ZNF581: variants seen among roughly 807,000 people sequenced by gnomAD.
ZNF581 encodes zinc finger protein 581.
Under a neutral mutation model 1.2 loss-of-function variants are expected in ZNF581, and 1 was observed. That is an observed-to-expected ratio of 0.83 (90% CI 0.30 to 3.95). ZNF581 has a LOEUF of 3.95. Among genes scored for constraint, ZNF581 ranks in the 30% most tolerant of loss-of-function variants. The probability of loss-of-function intolerance (pLI) is 0.18; values close to 1 mark genes in which losing one functional copy is unlikely to be tolerated. For missense variants in ZNF581, 273 were observed against 274.6 expected, an observed-to-expected ratio of 0.99 and a Z score of 0.04; for synonymous variants, 105 against 109.2, an observed-to-expected ratio of 0.96 and a Z score of 0.24.
upstream of ZNF581, chr19:55,642,383 G>A (rs1982560444): frequency 1.8e-5 from 24 of 1,302,872 alleles, 1 homozygote; most frequent in South Asian, 5.3e-4. Context: ...TAGGGAGGTA[G>A]TCAGTGGCGC....
upstream of ZNF581, chr19:55,642,301 G>T (rs1982552977): frequency 3.2e-6 from 4 of 1,257,222 alleles, no homozygotes; most frequent in Admixed American, 1.3e-4. Context: ...GCAGAGCTCA[G>T]TTGGAGGCCC....
upstream of ZNF581, chr19:55,641,015 G>A (rs1003837469): frequency 1.0e-6 from 1 of 985,212 alleles, no homozygotes; most frequent in African/African-American, 1.7e-5. Context: ...TTTTCCCAGG[G>A]ACTCCGCCAA....
chr19:55,635,724 G>C, intron 1 of ZNF581: 1 of 988,236 alleles, frequency 1.0e-6, no homozygotes, highest in Non-Finnish European at 1.2e-6. Context: ...TTGGGTGAGG[G>C]CAAGGGTGGG....
upstream of ZNF581, chr19:55,640,114 C>G: frequency 2.0e-6 from 2 of 985,290 alleles, no homozygotes; most frequent in Non-Finnish European, 2.4e-6. Context: ...CTCTTCTGTC[C>G]CCCACTCTCA....
At chr19:55,637,537 A>C (rs771254599), upstream of ZNF581, among the ~76,000 whole-genome samples, 47 of 152,098 alleles carry the variant, frequency 3.1e-4, no homozygotes, top group Non-Finnish European at 3.8e-4. Flanking sequence ...ACTCTGTCTG[A>C]AAAAAGACAC....
At chr19:55,642,627 C>G, upstream of ZNF581, 1 of 1,450,034 alleles carries the variant, frequency 6.9e-7, no homozygotes, top group South Asian at 1.5e-5. Flanking sequence ...TCCACTCCTT[C>G]CTCGGCGGCG....
At chr19:55,637,747 C>T (rs908906466), upstream of ZNF581, among the ~76,000 whole-genome samples, 3 of 152,144 alleles carry the variant, frequency 2.0e-5, no homozygotes, top group Non-Finnish European at 2.9e-5. Flanking sequence ...CTGGCCATCC[C>T]GCCTGCGGAT....
chr19:55,644,652 T>C lies in ZNF581; in HGVS notation c.81T>C (p.Thr27=), dbSNP rs148047828. Residue 27 remains threonine (T), a synonymous_variant, in exon 2 of 2, where the codon ACT becomes ACC. Transcript: ENST00000270451. This position sits in a 1 kb window ranked among gnomAD's most constrained non-coding sequence, Gnocchi z 4.3. The stretch of plus-strand genomic sequence containing the variant: ...CCATGGAGGGCCCTCCCCGTCGGAC[T>C]TGCCGCTCCCCAGAACCTGGACCTT... ...VETMEGPPRR[T]CRSPEPGPSS... The C allele has an allele frequency of 1.2e-6, 2 of 1,611,604 alleles. No individual in the cohort carries two copies. Among genetic ancestry groups the C allele is most frequent in the African/African-American group, 2.7e-5 (2 of 74,844 alleles).
At chr19:55,639,404 T>C (rs1982305785), upstream of ZNF581, among the ~76,000 whole-genome samples, 1 of 152,146 alleles carries the variant, frequency 6.6e-6, no homozygotes, top group Admixed American at 6.5e-5. Context: ...GCCAGAAGCA[T>C]GCCACTGCAC....
chr19:55,645,162 A>G lies in ZNF581; in HGVS notation c.591A>G (p.Pro197=). 5.3e-6 allele frequency: 8 copies of G among 1,513,888 alleles called. No individual in the cohort carries two copies. Among genetic ancestry groups the G allele is most frequent in the Non-Finnish European group, 7.1e-6 (8 of 1,128,950 alleles). The allele number at this position is 1,513,888 out of a possible 1,614,324, so 93.8% of individuals were successfully genotyped here. A position where few individuals can be genotyped will look rare whatever the true frequency, so the allele number is the denominator to read the frequency against. ...AGAAACACACGCGGTGGAAGCATCC[A>G]TGAGCCGGGCTGCCGGGTGCCCCAG... ...TLQKHTRWKH[P] is the part of the protein sequence containing the mutation. Residue 197 remains proline (P), a synonymous_variant, in exon 2 of 2, where the codon CCA becomes CCG. Coordinates refer to ENST00000270451, the MANE Select transcript of ZNF581 (RefSeq NM_016535.4).
At chr19:55,643,139 A>G (rs1301471045), upstream of ZNF581, 5 of 1,204,490 alleles carry the variant, frequency 4.2e-6, no homozygotes, top group East Asian at 3.4e-5. Context: ...TTACTGCCTT[A>G]CCCTGGGCCT....
chr19:55,642,796 G>A (rs368278674), upstream of ZNF581: 32 of 1,562,264 alleles, frequency 2.0e-5, no homozygotes, highest in Non-Finnish European at 2.7e-5. Context: ...GCTGCCCGGA[G>A]TGCGCCCGTG....
upstream of ZNF581, chr19:55,642,103 G>C (rs1222770832): frequency 4.0e-6 from 4 of 999,250 alleles, no homozygotes; most frequent in African/African-American, 1.7e-5. Flanking sequence ...CCACAGATTA[G>C]AGAAATCTCG....
chr19:55,642,180 G>T (rs896722911), upstream of ZNF581: 33 of 1,118,204 alleles, frequency 3.0e-5, no homozygotes, highest in African/African-American at 4.9e-4. Context: ...TTGTCTGCTG[G>T]GGTGGGTTGA....
upstream of ZNF581, among the ~76,000 whole-genome samples, chr19:55,636,868 A>G (rs553959650): frequency 6.6e-6 from 1 of 152,284 alleles, no homozygotes; most frequent in South Asian, 2.1e-4. Context: ...AGGAGCTAGC[A>G]CAAAAGCTCT....
upstream of ZNF581, chr19:55,642,518 C>A: frequency 6.9e-7 from 1 of 1,440,842 alleles, no homozygotes; most frequent in South Asian, 1.6e-5. Flanking sequence ...GATGCTGCTG[C>A]TGCCGCCGCG....
upstream of ZNF581, chr19:55,640,599 A>T: frequency 1.0e-6 from 1 of 985,444 alleles, no homozygotes. Flanking sequence ...TGCTGGGTGG[A>T]GAATCACGGC....
At chr19:55,641,458 A>G (rs1218704357), upstream of ZNF581, among the ~76,000 whole-genome samples, 1 of 152,214 alleles carries the variant, frequency 6.6e-6, no homozygotes, top group Non-Finnish European at 1.5e-5. Flanking sequence ...GGAGCAGAGC[A>G]AAAGAACGGG....
chr19:55,643,304 A>G, upstream of ZNF581: 1 of 413,140 alleles, frequency 2.4e-6, no homozygotes, highest in Non-Finnish European at 4.3e-6. Context: ...TGTGCAAGTG[A>G]CATGACCTCT....
Sources: allele counts gnomAD v4.1 joint callset (sites outside exome capture counted in the v4.1 genomes callset), GRCh38; gene constraint gnomAD v4.1.1; non-coding constraint Gnocchi (gnomAD v3.1); transcripts MANE v1.5; gene names NCBI Gene and HGNC (gene_info 2026-07-23, HGNC 2026-07-21).